Variants in AUTS2 observed in about 807,000 individuals in gnomAD.
The protein encoded by AUTS2 is activator of transcription and developmental regulator AUTS2.
In AUTS2, 17 loss-of-function variants were observed where a neutral mutation model predicts 112.4. The observed-to-expected ratio is 0.15, with a 90% CI of 0.10 to 0.23. The LOEUF is 0.23. Among genes scored for constraint, AUTS2 ranks in the 10% least tolerant of loss-of-function variants. AUTS2 has a pLI of 1.00. For missense variants in AUTS2, 1,510 were observed against 1,701.6 expected, an observed-to-expected ratio of 0.89 and a Z score of 1.98; for synonymous variants, 751 against 702.7, an observed-to-expected ratio of 1.07 and a Z score of -1.09.
chr7:70,214,516 CAAT>C (rs1465348376), intron 4 of AUTS2, among the ~76,000 whole-genome samples: 1 of 152,116 alleles, frequency 6.6e-6, no homozygotes, highest in African/African-American at 2.4e-5. Context: ...ATACAGATGC[CAAT>C]AATTTTTTCC....
At chr7:70,511,373 T>C (rs1799178813) in intron 5 of AUTS2, among the ~76,000 whole-genome samples, 1 of 151,046 alleles carries the variant, frequency 6.6e-6, no homozygotes, top group Admixed American at 6.6e-5. Context: ...AACTGTTACT[T>C]GGATACTTTG....
At chr7:69,917,925 C>T (rs1206898994) in intron 2 of AUTS2, among the ~76,000 whole-genome samples, 1 of 152,072 alleles carries the variant, frequency 6.6e-6, no homozygotes, top group Admixed American at 6.5e-5. Flanking sequence ...TCACTGCAAC[C>T]TCCACCTCCT....
chr7:70,318,956 T>G (rs1790126257), intron 4 of AUTS2, among the ~76,000 whole-genome samples: 2 of 152,182 alleles, frequency 1.3e-5, no homozygotes, highest in Non-Finnish European at 2.9e-5. Flanking sequence ...GTGAGTATTT[T>G]ATGTGCTGTC....
chr7:70,415,509 A>G (rs1794952250), intron 4 of AUTS2, among the ~76,000 whole-genome samples: 1 of 152,204 alleles, frequency 6.6e-6, no homozygotes, highest in Non-Finnish European at 1.5e-5. Context: ...TTGAAATAGG[A>G]AAAACACATA....
At chr7:70,729,928 G>C (rs188563614) in intron 6 of AUTS2, among the ~76,000 whole-genome samples, 4 of 152,186 alleles carry the variant, frequency 2.6e-5, no homozygotes, top group Non-Finnish European at 5.9e-5. Flanking sequence ...CATCACCCAG[G>C]CTGGAGTGCA....
intron 4 of AUTS2, among the ~76,000 whole-genome samples, chr7:70,393,971 G>A (rs1415218583): frequency 1.3e-5 from 2 of 152,188 alleles, no homozygotes; most frequent in African/African-American, 4.8e-5. Context: ...CAAGGGTTGG[G>A]AACCTGCTCT....
chr7:70,107,516 G>A (rs561075723), intron 2 of AUTS2, among the ~76,000 whole-genome samples: 3 of 149,398 alleles, frequency 2.0e-5, no homozygotes, highest in South Asian at 2.2e-4. Context: ...GCTAATTTTT[G>A]TATTTTTAGT....
intron 4 of AUTS2, among the ~76,000 whole-genome samples, chr7:70,196,082 C>T (rs1810158109): frequency 6.6e-6 from 1 of 152,138 alleles, no homozygotes; most frequent in Non-Finnish European, 1.5e-5. Flanking sequence ...AGAGTAGCTC[C>T]CCCCTCCCCT....
intron 4 of AUTS2, among the ~76,000 whole-genome samples, chr7:70,324,633 T>A (rs1045668440): frequency 6.6e-6 from 1 of 151,972 alleles, no homozygotes; most frequent in Non-Finnish European, 1.5e-5. Flanking sequence ...TCAAAAAAAA[T>A]AATAATTACA....
chr7:70,113,791 C>T (rs981220360), intron 2 of AUTS2, among the ~76,000 whole-genome samples: 1 of 152,186 alleles, frequency 6.6e-6, no homozygotes, highest in Non-Finnish European at 1.5e-5. Flanking sequence ...TTTTGAAACT[C>T]TCCATATCCA....
intron 4 of AUTS2, among the ~76,000 whole-genome samples, chr7:70,219,842 T>C (rs1283541480): frequency 2.0e-5 from 3 of 152,196 alleles, no homozygotes; most frequent in Admixed American, 6.5e-5. Flanking sequence ...AGTGCTGGGA[T>C]TACAGGTGTG....
At chr7:70,758,580 A>T (rs189488895) in intron 6 of AUTS2, among the ~76,000 whole-genome samples, 41 of 152,358 alleles carry the variant, frequency 2.7e-4, no homozygotes, top group African/African-American at 9.6e-4. Flanking sequence ...TTTTAGTATA[A>T]GCATGATGAA....
chr7:70,713,336 C>G (rs1312574419), intron 6 of AUTS2, among the ~76,000 whole-genome samples: 1 of 152,164 alleles, frequency 6.6e-6, no homozygotes, highest in Non-Finnish European at 1.5e-5. Flanking sequence ...ACTGCTTTAT[C>G]CAGGATTGTA....
At chr7:69,609,111 AG>A (rs1792884414) in intron 1 of AUTS2, among the ~76,000 whole-genome samples, 1 of 152,220 alleles carries the variant, frequency 6.6e-6, no homozygotes, top group Non-Finnish European at 1.5e-5. Flanking sequence ...AACAGCCCAC[AG>A]GGGTTAATTG....
chr7:70,684,599 TATG>T (rs1040056265), intron 5 of AUTS2, among the ~76,000 whole-genome samples: 27 of 142,426 alleles, frequency 1.9e-4, no homozygotes, highest in African/African-American at 3.7e-4. Flanking sequence ...CATGTTGTGG[TATG>T]GTGTGTGTGG....
intron 5 of AUTS2, among the ~76,000 whole-genome samples, chr7:70,499,580 G>C (rs867993525): frequency 6.6e-6 from 1 of 152,198 alleles, no homozygotes; most frequent in African/African-American, 2.4e-5. Flanking sequence ...GCTACCCCTT[G>C]GAGAGGGTGG....
At position 69,787,380 on chromosome 7, in the gene AUTS2, A is replaced by G. The variant is rs143740050; in HGVS notation, c.310-111906A>G. Among the ~76,000 whole-genome samples the G allele has an allele frequency of 5.0e-3, 757 of 152,334 alleles. 11 individuals carry two copies. The highest frequency in any genetic ancestry group is 0.017 in the African/African-American group (702 of 41,572). The stretch of plus-strand genomic sequence containing the variant: ...GAAAGATAGCCTAGTTTTACCAGAG[A>G]GGAGAAATTCTAACCAGAAGTAGTA... On this transcript the variant is annotated intron_variant, in intron 1 of 18. Transcript: ENST00000342771.
intron 2 of AUTS2, among the ~76,000 whole-genome samples, chr7:70,086,216 A>AT (rs879535464): frequency 2.6e-5 from 4 of 152,150 alleles, no homozygotes; most frequent in Non-Finnish European, 5.9e-5. Context: ...ACCTGCTGGG[A>AT]TTTTTATTCA....
intron 5 of AUTS2, among the ~76,000 whole-genome samples, chr7:70,510,911 C>T (rs1050130516): frequency 1.3e-5 from 2 of 152,142 alleles, no homozygotes; most frequent in South Asian, 2.1e-4. Context: ...TGCGATGGCG[C>T]GATCTTGGCT....
Sources: gnomAD v4.1 joint callset for allele counts (sites outside exome capture counted in the v4.1 genomes callset) on GRCh38, gnomAD v4.1.1 for gene constraint, MANE v1.5 for transcripts, NCBI Gene and HGNC (gene_info 2026-07-23, HGNC 2026-07-21) for gene names.